Variants in NCKAP5 observed in about 807,000 individuals in gnomAD.
NCKAP5 encodes NCK associated protein 5.
NCKAP5 carries 92 observed loss-of-function variants against 167.0 expected under a neutral mutation model. The ratio of observed to expected loss-of-function variants is 0.55; its 90% CI spans 0.47 to 0.66. The LOEUF (loss-of-function observed/expected upper bound fraction) is 0.66. NCKAP5 is among the 30% of genes least tolerant of loss of function. The pLI is 0.00. For synonymous variants in NCKAP5, 891 were observed against 877.4 expected, an observed-to-expected ratio of 1.02 and a Z score of -0.27; for missense variants, 2,378 against 2,315.0, an observed-to-expected ratio of 1.03 and a Z score of -0.56.
intron 11 of NCKAP5, among the ~76,000 whole-genome samples, chr2:132,801,540 C>A: frequency 6.6e-6 from 1 of 152,184 alleles, no homozygotes; most frequent in East Asian, 1.9e-4. Flanking sequence ...GGAAAGAGAC[C>A]TGCTTTCTGT....
At chr2:133,305,367 G>A (rs750823390) in intron 3 of NCKAP5, among the ~76,000 whole-genome samples, 19 of 152,180 alleles carry the variant, frequency 1.2e-4, no homozygotes, top group Middle Eastern at 3.4e-3. Context: ...CTTCATCTTC[G>A]TCAGAGGGAT....
intron 5 of NCKAP5, among the ~76,000 whole-genome samples, chr2:133,177,475 C>T (rs1043782794): frequency 1.3e-5 from 2 of 152,162 alleles, no homozygotes; most frequent in African/African-American, 4.8e-5. Context: ...CACTTTACCC[C>T]CTTAAACCAC....
At chr2:133,251,772 A>C (rs560085745) in intron 4 of NCKAP5, among the ~76,000 whole-genome samples, 1 of 152,366 alleles carries the variant, frequency 6.6e-6, no homozygotes, top group East Asian at 1.9e-4. Context: ...ATATAAGTGA[A>C]ATCAGTGTAT....
intron 2 of NCKAP5, among the ~76,000 whole-genome samples, chr2:133,541,103 T>C (rs1262732289): frequency 1.3e-5 from 2 of 151,102 alleles, no homozygotes. Context: ...AAAATTAATA[T>C]GCATGTCACA....
chr2:133,583,898 C>A, the NCKAP5 span, among the ~76,000 whole-genome samples: 3 of 152,080 alleles, frequency 2.0e-5, no homozygotes, highest in Non-Finnish European at 2.9e-5. Context: ...GGACTACAGG[C>A]ACCCACCACC....
At chr2:132,736,013 G>A (rs1221593904) in intron 16 of NCKAP5, among the ~76,000 whole-genome samples, 1 of 152,098 alleles carries the variant, frequency 6.6e-6, no homozygotes, top group Non-Finnish European at 1.5e-5. Context: ...TGGAATTCTT[G>A]AGTTCTCTGA....
the NCKAP5 span, among the ~76,000 whole-genome samples, chr2:133,602,236 T>C: frequency 4.6e-5 from 7 of 151,990 alleles, no homozygotes; most frequent in Non-Finnish European, 8.8e-5. Context: ...ACCTGAGCCT[T>C]GGACATTTGG....
intron 2 of NCKAP5, among the ~76,000 whole-genome samples, chr2:133,544,560 C>A (rs1292654014): frequency 6.6e-6 from 1 of 152,144 alleles, no homozygotes; most frequent in Non-Finnish European, 1.5e-5. Context: ...GACTCGGGCT[C>A]CATCGTGTGA....
At chr2:132,823,083 T>C (rs187606062) in intron 11 of NCKAP5, among the ~76,000 whole-genome samples, 67 of 152,320 alleles carry the variant, frequency 4.4e-4, no homozygotes, top group Non-Finnish European at 4.0e-4. Flanking sequence ...CTAAGAATAA[T>C]TGATGTCCCT....
intron 3 of NCKAP5, among the ~76,000 whole-genome samples, chr2:133,478,487 C>T (rs762673785): frequency 1.3e-5 from 2 of 152,148 alleles, no homozygotes; most frequent in Non-Finnish European, 2.9e-5. Context: ...AGTTTATTAT[C>T]ATTACATGGG....
rs765964863 is a variant in NCKAP5 at position 132,842,371 on chromosome 2, A to G, written c.807+18121T>C. Among the ~76,000 whole-genome samples the G allele has an allele frequency of 3.9e-4, 60 of 152,200 alleles. 1 individual carries two copies. The highest frequency in any genetic ancestry group is 7.1e-4 in the Non-Finnish European group (48 of 68,012). On this transcript the variant is annotated intron_variant, in intron 11 of 19. Transcript: ENST00000409261. ...TTGGTATTTTAATAAACTTTTTGGGAATATACATACATATATATACACACA... is the reference window on the plus strand; with the variant it reads ...TTGGTATTTTAATAAACTTTTTGGGGATATACATACATATATATACACACA...
At chr2:133,065,442 T>C (rs545211059) in intron 6 of NCKAP5, among the ~76,000 whole-genome samples, 31 of 152,140 alleles carry the variant, frequency 2.0e-4, no homozygotes, top group African/African-American at 6.5e-4. Flanking sequence ...CTGGCCAACA[T>C]GGTGAAACCC....
intron 6 of NCKAP5, among the ~76,000 whole-genome samples, chr2:133,022,129 G>C (rs1380056820): frequency 6.6e-6 from 1 of 151,910 alleles, no homozygotes; most frequent in African/African-American, 2.4e-5. Flanking sequence ...CATCTTACTA[G>C]TGTTGGGGCT....
intron 6 of NCKAP5, among the ~76,000 whole-genome samples, chr2:132,995,228 T>C (rs915280522): frequency 2.0e-5 from 3 of 152,232 alleles, no homozygotes; most frequent in South Asian, 2.1e-4. Flanking sequence ...ATTTTTACTT[T>C]ATAAACTTTT....
chr2:132,758,036 G>A (rs926692898), intron 16 of NCKAP5, among the ~76,000 whole-genome samples: 3 of 152,018 alleles, frequency 2.0e-5, no homozygotes, highest in Admixed American at 2.0e-4. Context: ...CAAATCACTC[G>A]CCAATCCCGA....
At chr2:132,798,838 T>G (rs890671031) in intron 11 of NCKAP5, among the ~76,000 whole-genome samples, 1 of 152,150 alleles carries the variant, frequency 6.6e-6, no homozygotes, top group Non-Finnish European at 1.5e-5. Flanking sequence ...ATCCCTCATC[T>G]GCAAAAAGAA....
Position 132,821,867 on chromosome 2 carries a change from C to T in NCKAP5, c.808-25138G>A, listed in dbSNP as rs188490663. Among the ~76,000 whole-genome samples, 62 of 152,310 alleles carry T rather than the reference C, an allele frequency of 4.1e-4. No homozygotes were observed. The East Asian group carries it at 0.011, about 27-fold the overall frequency. ...TGCCCCACAGTGGCCGTGGCAAGCT[C>T]CACCCAAGGAGAGTCTGAGCCCACA... On this transcript the variant is annotated intron_variant, in intron 11 of 19. Coordinates refer to ENST00000409261, the MANE Select transcript of NCKAP5 (RefSeq NM_207363.3).
At chr2:132,955,510 G>A (rs189015435) in intron 8 of NCKAP5, among the ~76,000 whole-genome samples, 63 of 152,304 alleles carry the variant, frequency 4.1e-4, no homozygotes, top group Non-Finnish European at 7.3e-4. Context: ...TGGCTGCATA[G>A]TATTCTATGG....
At chr2:133,308,078 TA>T (rs1271983169) in intron 3 of NCKAP5, among the ~76,000 whole-genome samples, 2 of 138,162 alleles carry the variant, frequency 1.4e-5, no homozygotes, top group East Asian at 2.0e-4. Context: ...ATTATTGTTC[TA>T]TTTTTTTTTT....
Sources: gnomAD v4.1 joint callset for allele counts (sites outside exome capture counted in the v4.1 genomes callset) on GRCh38, gnomAD v4.1.1 for gene constraint, MANE v1.5 for transcripts, NCBI Gene and HGNC (gene_info 2026-07-23, HGNC 2026-07-21) for gene names.